Variants in NEO1 observed in about 807,000 individuals in gnomAD.
NEO1 encodes the protein neogenin.
NEO1 carries 63 observed loss-of-function variants against 159.7 expected under a neutral mutation model. The observed-to-expected ratio is 0.39, with a 90% CI of 0.32 to 0.49. NEO1 has a LOEUF of 0.49. Ranked by LOEUF, NEO1 falls within the 20% of genes least tolerant of loss-of-function variation. The pLI, the probability that NEO1 is intolerant of heterozygous loss-of-function variation, is 0.85. For missense variants in NEO1, 1,615 were observed against 1,831.0 expected (o/e 0.88, Z 2.15); for synonymous variants, 633 against 662.0 (o/e 0.96, Z 0.67).
chr15:73,057,383 C>G, intron 1 of NEO1, among the ~76,000 whole-genome samples: 1 of 151,936 alleles, frequency 6.6e-6, no homozygotes, highest in East Asian at 1.9e-4. Flanking sequence ...TTTCCAAACA[C>G]TTTATTTTAT....
chr15:73,165,211 A>G (rs747351657), intron 5 of NEO1, among the ~76,000 whole-genome samples: 9 of 151,942 alleles, frequency 5.9e-5, no homozygotes, highest in Non-Finnish European at 1.2e-4. Context: ...AAATACATAG[A>G]AAAATGTTTG....
At chr15:73,116,339 G>A (rs770678802) in intron 1 of NEO1, among the ~76,000 whole-genome samples, 2 of 151,752 alleles carry the variant, frequency 1.3e-5, no homozygotes, top group Non-Finnish European at 2.9e-5. Flanking sequence ...TTCCCCTAAT[G>A]TTCTTCTAAA....
At chr15:73,271,937 G>A (rs1366746868) in intron 18 of NEO1, among the ~76,000 whole-genome samples, 2 of 150,774 alleles carry the variant, frequency 1.3e-5, no homozygotes, top group South Asian at 2.1e-4. Context: ...AGCTATATTT[G>A]GTTTGGAGAG....
intron 1 of NEO1, among the ~76,000 whole-genome samples, chr15:73,095,381 A>G (rs370230883): frequency 2.6e-5 from 4 of 152,312 alleles, no homozygotes; most frequent in African/African-American, 7.2e-5. Context: ...AAAGCCTAAC[A>G]TATTTTCTGT....
chr15:73,065,001 C>T (rs982642598), intron 1 of NEO1, among the ~76,000 whole-genome samples: 2 of 152,040 alleles, frequency 1.3e-5, no homozygotes, highest in Admixed American at 6.6e-5. Context: ...ATTTCCCTCT[C>T]TTTTAGCTTG....
intron 6 of NEO1, among the ~76,000 whole-genome samples, chr15:73,176,958 A>G (rs1445249996): frequency 6.6e-6 from 1 of 152,206 alleles, no homozygotes; most frequent in Non-Finnish European, 1.5e-5. Context: ...GTGTGGAAAG[A>G]TGATCCTTTT....
intron 7 of NEO1, among the ~76,000 whole-genome samples, chr15:73,188,562 C>T (rs1280010192): frequency 2.6e-5 from 4 of 151,948 alleles, no homozygotes; most frequent in African/African-American, 7.3e-5. Context: ...GTTCTTTATC[C>T]CTGTCTGTTT....
At chr15:73,137,846 T>C (rs1047333049) in intron 5 of NEO1, among the ~76,000 whole-genome samples, 35 of 152,272 alleles carry the variant, frequency 2.3e-4, no homozygotes, top group African/African-American at 7.2e-4. Context: ...GAAGATTACA[T>C]TGAGGAATTC....
At chr15:73,186,361 AC>A (rs1264584908) in intron 7 of NEO1, among the ~76,000 whole-genome samples, 1 of 152,126 alleles carries the variant, frequency 6.6e-6, no homozygotes, top group Non-Finnish European at 1.5e-5. Flanking sequence ...GGCAACCAAA[AC>A]TATACCCAGC....
intron 1 of NEO1, among the ~76,000 whole-genome samples, chr15:73,075,456 CT>C (rs1230942779): frequency 2.0e-5 from 3 of 152,122 alleles, no homozygotes; most frequent in African/African-American, 7.2e-5. Context: ...GAGTGGTGCA[CT>C]TTTATGTATG....
chr15:73,209,993 A>G (rs555282513), intron 7 of NEO1, among the ~76,000 whole-genome samples: 220 of 152,222 alleles, frequency 1.4e-3, no homozygotes, highest in Non-Finnish European at 2.4e-3. Flanking sequence ...ACAAGAGCGA[A>G]ACTCTGTCTA....
chr15:73,149,436 T>C (rs1260719032), intron 5 of NEO1, among the ~76,000 whole-genome samples: 2 of 152,194 alleles, frequency 1.3e-5, no homozygotes, highest in African/African-American at 4.8e-5. Flanking sequence ...TCACTGGAGA[T>C]ACAATGACAT....
At chr15:73,233,970 G>A (rs1305522430) in intron 7 of NEO1, among the ~76,000 whole-genome samples, 2 of 152,074 alleles carry the variant, frequency 1.3e-5, no homozygotes, top group Non-Finnish European at 1.5e-5. Flanking sequence ...ACCCAACCTC[G>A]CATATTAGAA....
At chr15:73,163,630 A>G (rs11072404) in intron 5 of NEO1, among the ~76,000 whole-genome samples, 130,520 of 152,168 alleles carry the variant, frequency 0.86, 57,027 homozygotes, top group Non-Finnish European at 0.94. Context: ...ACTTTAATGT[A>G]CCTGCAAACC....
chr15:73,072,056 T>G (rs553204804), intron 1 of NEO1, among the ~76,000 whole-genome samples: 2 of 152,180 alleles, frequency 1.3e-5, no homozygotes, highest in Non-Finnish European at 2.9e-5. Flanking sequence ...GTTCAAGCGA[T>G]TCTCCTGCCT....
At chr15:73,206,967 C>G (rs1301305824) in intron 7 of NEO1, among the ~76,000 whole-genome samples, 1 of 152,126 alleles carries the variant, frequency 6.6e-6, no homozygotes, top group Non-Finnish European at 1.5e-5. Context: ...AACAATCCCC[C>G]CATCTCAGCT....
rs201028333 is a variant in NEO1, at chr15:73,277,663, AT to A, written c.3194-467del. 4.6e-3 allele frequency among the ~76,000 whole-genome samples: 696 copies of A among 152,328 alleles called. 3 individuals are homozygous for A. The highest frequency in any genetic ancestry group is 0.015 in the African/African-American group (620 of 41,564). On this transcript the variant is annotated intron_variant, in intron 21 of 28. Transcript: ENST00000261908. Reference sequence around the variant, plus strand: ...GACAACTTTGTAATTTGAGAAAAGAATCTAAACAATACTAACACCTGCTAGG... The same window carrying A: ...GACAACTTTGTAATTTGAGAAAAGAACTAAACAATACTAACACCTGCTAGG...
chr15:73,186,438 G>A (rs1454569096), intron 7 of NEO1, among the ~76,000 whole-genome samples: 2 of 152,098 alleles, frequency 1.3e-5, no homozygotes, highest in African/African-American at 2.4e-5. Flanking sequence ...AGAATTTGTT[G>A]CTGACATACC....
At chr15:73,146,214 C>T (rs1301790665) in intron 5 of NEO1, among the ~76,000 whole-genome samples, 1 of 152,184 alleles carries the variant, frequency 6.6e-6, no homozygotes, top group Non-Finnish European at 1.5e-5. Flanking sequence ...AGTTTCTACC[C>T]TACTAGACTG....
Sources: gnomAD v4.1 joint callset for allele counts (sites outside exome capture counted in the v4.1 genomes callset) on GRCh38, gnomAD v4.1.1 for gene constraint, MANE v1.5 for transcripts, NCBI Gene and HGNC (gene_info 2026-07-23, HGNC 2026-07-21) for gene names.